The following PLCG2 variants were observed in gnomAD, a reference collection of about 807,000 sequenced individuals.
The protein encoded by PLCG2 is 1-phosphatidylinositol 4,5-bisphosphate phosphodiesterase gamma-2.
A neutral mutation model predicts 175.6 loss-of-function variants in PLCG2; 69 were observed. That is an observed-to-expected ratio of 0.39 (90% CI 0.32 to 0.48). PLCG2 has a LOEUF of 0.48. Ranked by LOEUF, PLCG2 falls within the 20% of genes least tolerant of loss-of-function variation. PLCG2 has a pLI of 0.91. For synonymous variants in PLCG2, 827 were observed against 624.0 expected, an observed-to-expected ratio of 1.33 and a Z score of -4.85; for missense variants, 1,798 against 1,650.9, an observed-to-expected ratio of 1.09 and a Z score of -1.54.
chr16:81,883,698 C>G (rs923419794), intron 9 of PLCG2: 14 of 309,120 alleles, frequency 4.5e-5, no homozygotes, highest in Non-Finnish European at 7.4e-5. Flanking sequence ...TCTCAGGTGT[C>G]ACTGCCTGGG....
chr16:81,957,237 T>G (rs1272582586), intron 32 of PLCG2, among the ~76,000 whole-genome samples: 2 of 151,100 alleles, frequency 1.3e-5, no homozygotes, highest in Admixed American at 1.3e-4. Context: ...AGGCAGAGGT[T>G]GCAGTGAGCC....
At position 81,900,510 on chromosome 16, in the gene PLCG2, C is replaced by A. The variant is rs1184780371; in HGVS notation, c.1194-102C>A. The A allele has an allele frequency of 5.6e-6, 6 of 1,062,606 alleles. No homozygotes were observed. In the African/African-American group the frequency reaches 9.6e-5, roughly 17 times the overall value. The allele number at this position is 1,062,606 out of a possible 1,614,324, so 65.8% of individuals were successfully genotyped here. A position where few individuals can be genotyped will look rare whatever the true frequency, so the allele number is the denominator to read the frequency against. ...TGGGGGTTGTGCCCCCCGAGCAGCGCCCGGTTTCTGTCGTCCCAGGGAGCT... is the reference window on the plus strand; with the variant it reads ...TGGGGGTTGTGCCCCCCGAGCAGCGACCGGTTTCTGTCGTCCCAGGGAGCT... On this transcript the variant is annotated intron_variant, in intron 13 of 32. Transcript: ENST00000564138.
intron 2 of PLCG2, among the ~76,000 whole-genome samples, chr16:81,804,115 A>C (rs1417953709): frequency 6.6e-6 from 1 of 152,256 alleles, no homozygotes; most frequent in Non-Finnish European, 1.5e-5. Context: ...TAATCACTTA[A>C]GGAATTGCCA....
At chr16:81,760,891 C>T (rs1910028674) in intron 2 of PLCG2, among the ~76,000 whole-genome samples, 1 of 152,002 alleles carries the variant, frequency 6.6e-6, no homozygotes, top group Admixed American at 6.6e-5. Flanking sequence ...ATAGTGAGAT[C>T]CCTGGCTTAA....
chr16:81,750,586 T>A (rs868479303), intron 1 of PLCG2, among the ~76,000 whole-genome samples: 1 of 150,020 alleles, frequency 6.7e-6, no homozygotes, highest in Non-Finnish European at 1.5e-5. Flanking sequence ...ATCAACAGAT[T>A]AATGCATAAA....
At chr16:81,896,462 C>T (rs1908895850) in intron 13 of PLCG2, among the ~76,000 whole-genome samples, 1 of 151,224 alleles carries the variant, frequency 6.6e-6, no homozygotes, top group Non-Finnish European at 1.5e-5. Flanking sequence ...CCTGTAGTCC[C>T]AGTTACTTGG....
intron 30 of PLCG2, among the ~76,000 whole-genome samples, chr16:81,945,024 G>A (rs1386178021): frequency 1.3e-5 from 2 of 152,288 alleles, no homozygotes; most frequent in East Asian, 1.9e-4. Context: ...AAAATGGAAT[G>A]CAAATATTAT....
At chr16:81,947,404 G>T (rs1467922060) in intron 31 of PLCG2, among the ~76,000 whole-genome samples, 1 of 152,160 alleles carries the variant, frequency 6.6e-6, no homozygotes, top group African/African-American at 2.4e-5. Context: ...CCACTCACAG[G>T]TGCAGCTCGG....
intron 2 of PLCG2, among the ~76,000 whole-genome samples, chr16:81,803,970 C>T (rs545190491): frequency 3.6e-4 from 55 of 152,288 alleles, no homozygotes; most frequent in African/African-American, 1.1e-3. Context: ...TATGAGCCAC[C>T]GTGCCTGGAC....
intron 15 of PLCG2, among the ~76,000 whole-genome samples, chr16:81,906,822 G>A (rs976344878): frequency 6.6e-6 from 1 of 152,162 alleles, no homozygotes; most frequent in Non-Finnish European, 1.5e-5. Flanking sequence ...GGCAGATTAC[G>A]AGGTCAGGAG....
At chr16:81,802,048 C>G (rs1911744393) in intron 2 of PLCG2, among the ~76,000 whole-genome samples, 1 of 130,736 alleles carries the variant, frequency 7.6e-6, no homozygotes, top group Non-Finnish European at 1.5e-5. Context: ...AACATTCTGT[C>G]TGGAATGAAA....
chr16:81,810,218 T>C (rs1904305620), intron 2 of PLCG2, among the ~76,000 whole-genome samples: 1 of 152,168 alleles, frequency 6.6e-6, no homozygotes, highest in Non-Finnish European at 1.5e-5. Context: ...TTCTATCTCT[T>C]GATTCTCGTG....
chr16:81,773,216 G>A (rs375703255), intron 2 of PLCG2, among the ~76,000 whole-genome samples: 1 of 152,176 alleles, frequency 6.6e-6, no homozygotes, highest in African/African-American at 2.4e-5. Flanking sequence ...TCCCTTTCAG[G>A]TCTGGTTGCC....
intron 5 of PLCG2, among the ~76,000 whole-genome samples, chr16:81,864,329 C>A (rs933420184): frequency 6.6e-6 from 1 of 152,168 alleles, no homozygotes; most frequent in Non-Finnish European, 1.5e-5. Context: ...GTGGCCATTT[C>A]AACAAAACAA....
intron 2 of PLCG2, among the ~76,000 whole-genome samples, chr16:81,809,925 A>C (rs1252201450): frequency 6.6e-6 from 1 of 151,878 alleles, no homozygotes; most frequent in Non-Finnish European, 1.5e-5. Flanking sequence ...AGCATCCAAG[A>C]TGCAATGCCT....
Position 81,842,228 on chromosome 16 carries a change from C to T in PLCG2, c.194-12216C>T, listed in dbSNP as rs550369570. ...TCTCCTCTTCTTCCCAGGTGAGCTC[C>T]AGTCTGCAGAACTCAGCCAGGATGC... On this transcript the variant is annotated intron_variant, in intron 2 of 32. Transcript: ENST00000564138. 3.9e-5 allele frequency among the ~76,000 whole-genome samples: 6 copies of T among 152,328 alleles called. No homozygotes were observed. The East Asian group carries it at 5.8e-4, about 15-fold the overall frequency.
At chr16:81,864,671 C>G (rs975982221) in intron 5 of PLCG2, among the ~76,000 whole-genome samples, 10 of 152,152 alleles carry the variant, frequency 6.6e-5, no homozygotes, top group Non-Finnish European at 1.2e-4. Flanking sequence ...AAACACTTGA[C>G]GAATGTTTCT....
intron 19 of PLCG2, among the ~76,000 whole-genome samples, chr16:81,914,307 C>T (rs1431692186): frequency 2.6e-5 from 4 of 152,194 alleles, no homozygotes; most frequent in East Asian, 3.9e-4. Context: ...TGCATGCTGG[C>T]GTTACTCTCC....
intron 2 of PLCG2, among the ~76,000 whole-genome samples, chr16:81,806,593 T>G (rs1904281868): frequency 6.6e-6 from 1 of 152,042 alleles, no homozygotes; most frequent in Non-Finnish European, 1.5e-5. Flanking sequence ...CACCATTACA[T>G]GATCATAGGA....
Sources: allele counts gnomAD v4.1 joint callset (sites outside exome capture counted in the v4.1 genomes callset), GRCh38; gene constraint gnomAD v4.1.1; transcripts MANE v1.5; gene names NCBI Gene and HGNC (gene_info 2026-07-23, HGNC 2026-07-21).